Variants in SUSD5 observed in about 807,000 individuals in gnomAD.
The protein encoded by SUSD5 is sushi domain containing 5.
Under a neutral mutation model 29.5 loss-of-function variants are expected in SUSD5, and 33 were observed. The ratio of observed to expected loss-of-function variants is 1.12; its 90% CI spans 0.85 to 1.49. The LOEUF (loss-of-function observed/expected upper bound fraction) is 1.49, where lower values mean the gene tolerates loss of function less well. Ranked by LOEUF, SUSD5 falls within the 40% of genes most tolerant of loss-of-function variation. The pLI, the probability that SUSD5 is intolerant of heterozygous loss-of-function variation, is 0.00. For missense variants in SUSD5, 776 were observed against 800.6 expected (o/e 0.97, Z 0.37); for synonymous variants, 308 against 325.3 (o/e 0.95, Z 0.57).
intron 4 of SUSD5, among the ~76,000 whole-genome samples, chr3:33,158,748 G>A (rs1436140633): frequency 1.3e-5 from 2 of 152,196 alleles, no homozygotes; most frequent in Non-Finnish European, 2.9e-5. Context: ...TTCTCAGCCA[G>A]AACCCGGCCC....
At chr3:33,206,875 C>G (rs140915052) in intron 3 of SUSD5, among the ~76,000 whole-genome samples, 1 of 152,224 alleles carries the variant, frequency 6.6e-6, no homozygotes, top group African/African-American at 2.4e-5. Flanking sequence ...GAATCTTTAG[C>G]GCTGGCACTG....
At chr3:33,212,430 T>C (rs1021517691) in intron 2 of SUSD5, among the ~76,000 whole-genome samples, 4 of 152,152 alleles carry the variant, frequency 2.6e-5, no homozygotes, top group Admixed American at 2.6e-4. Context: ...ATTAGAAAGA[T>C]TTCTCCTAGC....
chr3:33,213,860 C>G (rs1451388976), intron 2 of SUSD5, 68 bp downstream of exon 2: 7 of 1,482,216 alleles, frequency 4.7e-6, no homozygotes, highest in Non-Finnish European at 6.4e-6. Flanking sequence ...AGAACAATTA[C>G]TGAGTCCTAT....
At chr3:33,207,031 C>T (rs773132114) in intron 3 of SUSD5, among the ~76,000 whole-genome samples, 18 of 152,004 alleles carry the variant, frequency 1.2e-4, no homozygotes, top group Non-Finnish European at 2.5e-4. Context: ...CTTTTACAAC[C>T]GTATGTGTTT....
At chr3:33,182,997 G>A (rs570656879) in intron 3 of SUSD5, among the ~76,000 whole-genome samples, 18 of 151,338 alleles carry the variant, frequency 1.2e-4, no homozygotes, top group South Asian at 1.0e-3. Context: ...GGGTTTCACC[G>A]TGTTAGCCAG....
chr3:33,180,441 A>T (rs1328852136), intron 3 of SUSD5, among the ~76,000 whole-genome samples: 1 of 152,136 alleles, frequency 6.6e-6, no homozygotes, highest in Non-Finnish European at 1.5e-5. Context: ...GCTCACTGTA[A>T]TCTTGAACTC....
rs763981556 is a variant in SUSD5, at chr3:33,214,078, T to C, written c.140A>G (p.Asn47Ser). The C allele has an allele frequency of 1.9e-6, 3 of 1,611,180 alleles. No homozygotes were observed. Among genetic ancestry groups the C allele is most frequent in the Non-Finnish European group, 1.7e-6 (2 of 1,178,756 alleles). The change falls in exon 2 of 5, where the codon AAT becomes AGT. Residue 47 changes from asparagine (N) to serine (S), a missense_variant. Coordinates refer to ENST00000309558, the MANE Select transcript of SUSD5 (RefSeq NM_015551.2). ...CTCCAGTTGTAGGCCCTGAGAGCCATTCTGAGACTCCAGCACAAAGAACTT... is the reference window on the plus strand; with the variant it reads ...CTCCAGTTGTAGGCCCTGAGAGCCACTCTGAGACTCCAGCACAAAGAACTT... ...DGKFFVLESQNGSQGLQLEAA... is the reference protein window; with the variant it reads ...DGKFFVLESQSGSQGLQLEAA...
At chr3:33,209,608 C>A (rs545752949) in intron 2 of SUSD5, among the ~76,000 whole-genome samples, 16 of 146,978 alleles carry the variant, frequency 1.1e-4, no homozygotes, top group African/African-American at 3.8e-4. Context: ...CTTCCTCTTT[C>A]TCTCTTCCTT....
chr3:33,194,602 C>A (rs2031959453), intron 3 of SUSD5, among the ~76,000 whole-genome samples: 2 of 152,136 alleles, frequency 1.3e-5, no homozygotes, highest in Non-Finnish European at 2.9e-5. Flanking sequence ...AAGCAAAGGG[C>A]AGGCTGAGAA....
Position 33,167,856 on chromosome 3 carries a change from G to T in SUSD5, c.598+7030C>A, listed in dbSNP as rs952530919. 4.6e-5 allele frequency among the ~76,000 whole-genome samples: 7 copies of T among 152,162 alleles called. No individual in the cohort carries two copies. Among genetic ancestry groups the T allele is most frequent in the African/African-American group, 1.7e-4 (7 of 41,434 alleles). ...CTCTGCTTTCCTGAGTCTGCACTCTGACTCAGATCATTCAGCCATCCTTCT... is the reference window on the plus strand; with the variant it reads ...CTCTGCTTTCCTGAGTCTGCACTCTTACTCAGATCATTCAGCCATCCTTCT... On this transcript the variant is annotated intron_variant, in intron 4 of 4. Transcript: ENST00000309558. This position sits in a 1 kb window ranked among gnomAD's most constrained non-coding sequence, Gnocchi z 4.1.
chr3:33,159,989 T>C (rs976798923), intron 4 of SUSD5, among the ~76,000 whole-genome samples: 2 of 152,086 alleles, frequency 1.3e-5, no homozygotes, highest in Admixed American at 1.3e-4. Context: ...AGACGCAAAG[T>C]GGATGGAGAG....
intron 4 of SUSD5, among the ~76,000 whole-genome samples, chr3:33,165,171 A>G (rs1446752332): frequency 6.6e-6 from 1 of 152,246 alleles, no homozygotes; most frequent in Non-Finnish European, 1.5e-5. Context: ...AGTAGAATGG[A>G]ATACTCCAAA....
chr3:33,156,157 C>T (rs942004958), intron 4 of SUSD5, among the ~76,000 whole-genome samples: 1 of 151,846 alleles, frequency 6.6e-6, no homozygotes, highest in African/African-American at 2.4e-5. Context: ...TCTCCTGCCT[C>T]GGCCTCCTGA....
chr3:33,174,868 C>T lies in SUSD5; in HGVS notation c.598+18G>A. On this transcript the variant is annotated intron_variant, in intron 4 of 4. Coordinates refer to ENST00000309558, the MANE Select transcript of SUSD5 (RefSeq NM_015551.2). ...ACTGCGTGGGCACGCGAAGGTGGCC[C>T]ATCCCTGGGCTGCTTACCTTTCCCA... is the stretch of plus-strand genomic sequence containing the variant. 1 of 1,611,508 alleles carries T rather than the reference C, an allele frequency of 6.2e-7. No individual in the cohort carries two copies. Among genetic ancestry groups the T allele is most frequent in the South Asian group, 1.1e-5 (1 of 91,016 alleles).
At chr3:33,176,193 C>T (rs2031548804) in intron 3 of SUSD5, among the ~76,000 whole-genome samples, 1 of 152,204 alleles carries the variant, frequency 6.6e-6, no homozygotes, top group Admixed American at 6.5e-5. Context: ...CTTTTTAGCA[C>T]TGAATATTAT....
chr3:33,183,746 C>G (rs1022393605), intron 3 of SUSD5, among the ~76,000 whole-genome samples: 3 of 151,882 alleles, frequency 2.0e-5, no homozygotes, highest in Admixed American at 6.6e-5. Flanking sequence ...TTCCCTGCTC[C>G]CTAAAGAACT....
rs1386545592 is a variant in SUSD5 at position 33,180,850 on chromosome 3, T to A, written c.410-5776A>T. 3.6e-4 allele frequency among the ~76,000 whole-genome samples: 51 copies of A among 141,438 alleles called. 1 individual carries two copies. The highest frequency in any genetic ancestry group is 4.2e-4 in the Admixed American group (6 of 14,136). The allele number at this position is 141,438 out of a possible 152,430, so 92.8% of individuals were successfully genotyped here. ...GCAAGACTTTGCCTCAAAAAAAAAA[T>A]TTTTTTTTTTTTTTGTAGACATAGG... On this transcript the variant is annotated intron_variant, in intron 3 of 4. Transcript: ENST00000309558.
chr3:33,199,953 A>C (rs1041705839), intron 3 of SUSD5, among the ~76,000 whole-genome samples: 2 of 152,198 alleles, frequency 1.3e-5, no homozygotes, highest in African/African-American at 4.8e-5. Flanking sequence ...CTGCCATGTA[A>C]AGAAGGCTCT....
intron 3 of SUSD5, among the ~76,000 whole-genome samples, chr3:33,183,288 A>G (rs946477292): frequency 6.6e-6 from 1 of 151,792 alleles, no homozygotes; most frequent in African/African-American, 2.4e-5. Context: ...TCTATTTGTT[A>G]CCGTATTTTC....
Sources: gnomAD v4.1 joint callset for allele counts (sites outside exome capture counted in the v4.1 genomes callset) on GRCh38, gnomAD v4.1.1 for gene constraint, Gnocchi (gnomAD v3.1) non-coding constraint, MANE v1.5 for transcripts, NCBI Gene and HGNC (gene_info 2026-07-23, HGNC 2026-07-21) for gene names.